Variants in NOS2 observed in about 807,000 individuals in gnomAD.
NOS2 encodes nitric oxide synthase 2.
In NOS2, 96 loss-of-function variants were observed where a neutral mutation model predicts 136.0. The observed-to-expected ratio is 0.71, with a 90% CI of 0.60 to 0.84. The LOEUF is 0.84. Among genes scored for constraint, NOS2 ranks in the 40% least tolerant of loss-of-function variants. The pLI is 0.00. For synonymous variants in NOS2, 539 were observed against 587.5 expected, an observed-to-expected ratio of 0.92 and a Z score of 1.20; for missense variants, 1,237 against 1,496.9, an observed-to-expected ratio of 0.83 and a Z score of 2.87.
intron 7 of NOS2, 85 bp from the exon 8 acceptor site, chr17:27,781,262 C>T: frequency 1.4e-6 from 2 of 1,443,760 alleles, no homozygotes; most frequent in South Asian, 1.3e-5. Context: ...TCCCTCTCCA[C>T]CCTACCTGCT....
At position 27,769,088 on chromosome 17, in the gene NOS2, A is replaced by G. The variant is rs1462390780; in HGVS notation, c.1923T>C (p.Ile641=). The part of the protein sequence containing the change: ...YPRFCAFAHD[I]DQKLSHLGAS... ...CCCCCAGGTGGGACAGCTTCTGATC[A>G]ATGTCATGAGCAAAGGCGCAGAACC... is the stretch of plus-strand genomic sequence containing the variant. The change falls in exon 17 of 27, where the codon ATT becomes ATC. Residue 641 remains isoleucine (I), a synonymous_variant. Transcript: ENST00000313735. 6.2e-7 allele frequency: 1 copy of G among 1,613,058 alleles called. No individual in the cohort carries two copies.
intron 13 of NOS2, 48 bp downstream of exon 13, chr17:27,773,113 A>C: frequency 2.2e-5 from 30 of 1,372,912 alleles, no homozygotes; most frequent in Non-Finnish European, 2.6e-5. Flanking sequence ...ACTAGAAGGG[A>C]GAGATATAGT....
chr17:27,772,557 G>C, intron 13 of NOS2, 105 bp from the exon 14 acceptor site: 2 of 1,362,716 alleles, frequency 1.5e-6, no homozygotes, highest in Non-Finnish European at 2.0e-6. Context: ...TGTGGGGCAG[G>C]TTGAGGGAAA....
rs1416514424 is a variant in NOS2, at chr17:27,756,991, G to A, written c.*255C>T. On this transcript the variant is annotated 3_prime_UTR_variant, in exon 27 of 27. Transcript: ENST00000313735. ...GTTCCATCTTTCACCCACTTGCCAG[G>A]CCTGGCATTTAAGATTTTGTCTCCA... 2 of 427,146 alleles carry A rather than the reference G, an allele frequency of 4.7e-6. No homozygotes were observed. Among genetic ancestry groups the A allele is most frequent in the Non-Finnish European group, 8.2e-6 (2 of 244,076 alleles). The allele number at this position is 427,146 out of a possible 1,614,324, so 26.5% of individuals were successfully genotyped here. A position where few individuals can be genotyped will look rare whatever the true frequency, so the allele number is the denominator to read the frequency against.
At chr17:27,787,294 G>A (rs1909049233) in intron 5 of NOS2, among the ~76,000 whole-genome samples, 1 of 152,164 alleles carries the variant, frequency 6.6e-6, no homozygotes, top group Admixed American at 6.5e-5. Context: ...CCAGGACACT[G>A]TTCTGAACTT....
At chr17:27,791,557 C>A (rs1206050610) in intron 2 of NOS2, among the ~76,000 whole-genome samples, 2 of 152,142 alleles carry the variant, frequency 1.3e-5, no homozygotes, top group African/African-American at 4.8e-5. Flanking sequence ...CATCCACAGA[C>A]CCCACCCTGA....
At chr17:27,775,369 G>A (rs1003640567) in intron 11 of NOS2, among the ~76,000 whole-genome samples, 7 of 152,220 alleles carry the variant, frequency 4.6e-5, no homozygotes, top group South Asian at 2.1e-4. Context: ...AGGGCGAGAC[G>A]GGGAGATCAC....
chr17:27,792,036 C>G (rs1467304729), intron 2 of NOS2, among the ~76,000 whole-genome samples: 2 of 152,176 alleles, frequency 1.3e-5, no homozygotes, highest in Admixed American at 6.5e-5. Context: ...AAGCTTCAGA[C>G]CAGAAACATC....
At chr17:27,767,933 A>T (rs1157383323) in intron 17 of NOS2, 96 bp from the exon 18 acceptor site, 11 of 1,500,568 alleles carry the variant, frequency 7.3e-6, no homozygotes, top group Middle Eastern at 2.4e-4. Flanking sequence ...CATGGGCCAA[A>T]CACTGAGCCG....
intron 25 of NOS2, 83 bp from the exon 26 acceptor site, chr17:27,759,158 G>A (rs981495137): frequency 1.0e-5 from 10 of 991,278 alleles, no homozygotes; most frequent in Middle Eastern, 3.2e-4. Context: ...TCAAGGAGGC[G>A]GGGAGAGGGG....
In NOS2 at chr17:27,782,059, G is replaced by A. The variant is rs200608917; in HGVS notation, c.678C>T (p.His226=). The A allele has an allele frequency of 2.5e-5, 41 of 1,614,166 alleles. No individual in the cohort carries two copies. The highest frequency in any genetic ancestry group is 3.2e-5 in the Non-Finnish European group (38 of 1,180,032). Reference sequence around the variant, plus strand: ...TGGAGTAACGCACGTGTCTGCAGATGTGTTCAAACATTTCCCGGGCAGTGG... The same window carrying A: ...TGGAGTAACGCACGTGTCTGCAGATATGTTCAAACATTTCCCGGGCAGTGG... ...SCSTAREMFE[H]ICRHVRYSTN... Residue 226 remains histidine (H), a synonymous_variant, in exon 7 of 27, where the codon CAC becomes CAT. Transcript: ENST00000313735.
At chr17:27,788,188 A>G (rs1909077380) in intron 4 of NOS2, among the ~76,000 whole-genome samples, 1 of 104,080 alleles carries the variant, frequency 9.6e-6, no homozygotes, top group African/African-American at 4.0e-5. Flanking sequence ...ATAGGAAGGC[A>G]CACGCGTGCA....
At chr17:27,791,960 C>T (rs1222394712) in intron 2 of NOS2, among the ~76,000 whole-genome samples, 1 of 152,158 alleles carries the variant, frequency 6.6e-6, no homozygotes, top group African/African-American at 2.4e-5. Flanking sequence ...CTCACCCCAG[C>T]ACCCACCCTG....
intron 2 of NOS2, among the ~76,000 whole-genome samples, chr17:27,793,347 A>G (rs1909251667): frequency 6.6e-6 from 1 of 152,206 alleles, no homozygotes; most frequent in African/African-American, 2.4e-5. Flanking sequence ...AAACATTCGC[A>G]GCGCAACTGA....
rs201285162 is a variant in NOS2, at chr17:27,778,855, T to A, written c.1179+27A>T. On this transcript the variant is annotated intron_variant, in intron 10 of 26. Transcript: ENST00000313735. Reference sequence around the variant, plus strand: ...AGCCACCCCCAGGCCCACACCTTCATCTGGCCAGCTGGGCTGGCTGGGTTA... The same window carrying A: ...AGCCACCCCCAGGCCCACACCTTCAACTGGCCAGCTGGGCTGGCTGGGTTA... The A allele has an allele frequency of 2.5e-6, 4 of 1,611,296 alleles. No homozygotes were observed. The African/African-American group carries it at 5.3e-5, about 22-fold the overall frequency.
Position 27,761,214 on chromosome 17 carries a change from G to A in NOS2, c.2818C>T (p.His940Tyr). 1.2e-6 allele frequency: 2 copies of A among 1,608,266 alleles called. No individual in the cohort carries two copies. The highest frequency in any genetic ancestry group is 1.7e-6 in the Non-Finnish European group (2 of 1,178,456). The change falls in exon 23 of 27, where the codon CAC (histidine) becomes TAC (tyrosine). Residue 940 changes from histidine (H) to tyrosine (Y), a missense_variant. Coordinates refer to ENST00000313735, the MANE Select transcript of NOS2 (RefSeq NM_000625.4). The stretch of plus-strand genomic sequence containing the variant: ...AGCCATGTGCTGCAGACGCCGTGGT[G>A]CAGGGGACCCTGGCCATCTGCAACG... Reference protein sequence around the residue: ...YHTRDGQGPLHHGVCSTWLNS... With the variant: ...YHTRDGQGPLYHGVCSTWLNS...
chr17:27,765,389 G>A, intron 20 of NOS2, 146 bp downstream of exon 20: 1 of 708,650 alleles, frequency 1.4e-6, no homozygotes, highest in Non-Finnish European at 2.3e-6. Flanking sequence ...TGTTTCCACA[G>A]CTGCTTTCAC....
chr17:27,781,924 G>A, intron 7 of NOS2, 91 bp downstream of exon 7: 1 of 1,064,688 alleles, frequency 9.4e-7, no homozygotes, highest in East Asian at 2.4e-5. Flanking sequence ...TGGAGCTGGA[G>A]ATGCCTCCCC....
rs1032147249 is a variant in NOS2 at position 27,774,422 on chromosome 17, G to A, written c.1311C>T (p.His437=). ...QKQNVTIMDH[H]SAAESFMKYM... ...ACTTCATGAAGGATTCTGCAGCCGA[G>A]TGGTGGTCCATGATGGTCACATTCT... The change falls in exon 12 of 27, where the codon CAC becomes CAT. Residue 437 remains histidine, a synonymous_variant. Transcript: ENST00000313735. 4 of 1,525,310 alleles carry A rather than the reference G, an allele frequency of 2.6e-6. No individual in the cohort carries two copies. The highest frequency in any genetic ancestry group is 2.8e-5 in the African/African-American group (2 of 71,396). The allele number at this position is 1,525,310 out of a possible 1,614,324, so 94.5% of individuals were successfully genotyped here.
Sources: gnomAD v4.1 joint callset for allele counts (sites outside exome capture counted in the v4.1 genomes callset) on GRCh38, gnomAD v4.1.1 for gene constraint, MANE v1.5 for transcripts, NCBI Gene and HGNC (gene_info 2026-07-23, HGNC 2026-07-21) for gene names.